NT5C3A: variants seen among roughly 807,000 people sequenced by gnomAD.
The protein encoded by NT5C3A is cytosolic 5'-nucleotidase 3A.
A neutral mutation model predicts 40.0 loss-of-function variants in NT5C3A; 23 were observed. That is an observed-to-expected ratio of 0.58 (90% CI 0.41 to 0.81). The LOEUF (loss-of-function observed/expected upper bound fraction) is 0.81, where lower values mean the gene tolerates loss of function less well. Ranked by LOEUF, NT5C3A falls within the 40% of genes least tolerant of loss-of-function variation. The pLI is 0.00. For missense variants in NT5C3A, 328 were observed against 403.0 expected (o/e 0.81, Z 1.59); for synonymous variants, 130 against 141.4 (o/e 0.92, Z 0.57).
At chr7:33,038,408 T>C (rs1317861173) in intron 1 of NT5C3A, among the ~76,000 whole-genome samples, 1 of 152,026 alleles carries the variant, frequency 6.6e-6, no homozygotes, top group Admixed American at 6.6e-5. Flanking sequence ...AAAAAGTCAG[T>C]ATAAGTTGGT....
intron 3 of NT5C3A, 49 bp from the exon 4 acceptor site, chr7:33,022,148 G>T: frequency 2.1e-6 from 2 of 949,142 alleles, no homozygotes; most frequent in Non-Finnish European, 3.4e-6. Context: ...TCTGATTTAT[G>T]CTACCACTAC....
chr7:33,057,111 C>A (rs1787601440), intron 1 of NT5C3A, among the ~76,000 whole-genome samples: 2 of 152,108 alleles, frequency 1.3e-5, no homozygotes, highest in South Asian at 2.1e-4. Flanking sequence ...CCGCACCCGG[C>A]CCTTTTTTGT....
intron 1 of NT5C3A, among the ~76,000 whole-genome samples, chr7:33,048,470 C>T (rs913012191): frequency 2.0e-5 from 3 of 152,048 alleles, no homozygotes; most frequent in Non-Finnish European, 4.4e-5. Context: ...TGAATGTGGA[C>T]CTCATAAGTT....
intron 4 of NT5C3A, 85 bp downstream of exon 4, chr7:33,021,964 TCTTA>T (rs1785649847): frequency 3.9e-6 from 3 of 778,812 alleles, no homozygotes; most frequent in East Asian, 2.5e-5. Flanking sequence ...TTACATCCAT[TCTTA>T]CTTCTGTGAA....
chr7:33,025,507 A>C (rs1406191540), intron 2 of NT5C3A, among the ~76,000 whole-genome samples: 1 of 152,198 alleles, frequency 6.6e-6, no homozygotes, highest in Non-Finnish European at 1.5e-5. Context: ...TTTAATTTAC[A>C]TGTAACACAT....
At chr7:33,035,722 G>A (rs1786561045) in intron 1 of NT5C3A, among the ~76,000 whole-genome samples, 2 of 152,202 alleles carry the variant, frequency 1.3e-5, no homozygotes, top group African/African-American at 4.8e-5. Context: ...TATATTCTGA[G>A]AAGCACGACA....
intron 1 of NT5C3A, among the ~76,000 whole-genome samples, chr7:33,060,250 G>A (rs977476140): frequency 6.6e-6 from 1 of 152,088 alleles, no homozygotes; most frequent in Non-Finnish European, 1.5e-5. Context: ...ACTGTACCCT[G>A]CCAAAGCAAA....
chr7:33,060,977 T>C (rs1231137003), intron 1 of NT5C3A, among the ~76,000 whole-genome samples: 1 of 152,272 alleles, frequency 6.6e-6, no homozygotes, highest in Non-Finnish European at 1.5e-5. Flanking sequence ...ATTTCTTTAG[T>C]ACCAATAAGT....
intron 5 of NT5C3A, among the ~76,000 whole-genome samples, chr7:33,021,041 G>C (rs1316404400): frequency 6.6e-6 from 1 of 152,002 alleles, no homozygotes; most frequent in Non-Finnish European, 1.5e-5. Flanking sequence ...TTAAATGCAG[G>C]ACTTTTAATT....
intron 1 of NT5C3A, among the ~76,000 whole-genome samples, chr7:33,055,633 T>C (rs963693732): frequency 1.3e-5 from 2 of 152,316 alleles, no homozygotes. Context: ...AACGACCATC[T>C]CACGACCATG....
intron 1 of NT5C3A, among the ~76,000 whole-genome samples, chr7:33,031,630 C>T (rs1447760364): frequency 1.3e-5 from 2 of 151,812 alleles, no homozygotes; most frequent in South Asian, 2.1e-4. Context: ...TTAAAAAACA[C>T]ACATAAATAC....
intron 2 of NT5C3A, among the ~76,000 whole-genome samples, chr7:33,025,312 C>T (rs1246487527): frequency 1.3e-5 from 2 of 152,158 alleles, no homozygotes; most frequent in Non-Finnish European, 2.9e-5. Context: ...CTATATGAAG[C>T]TCTTAGTTAC....
chr7:33,021,041 G>T (rs1316404400), intron 5 of NT5C3A, among the ~76,000 whole-genome samples: 13 of 152,002 alleles, frequency 8.6e-5, no homozygotes, highest in Admixed American at 8.5e-4. Context: ...TTAAATGCAG[G>T]ACTTTTAATT....
At chr7:33,039,570 T>TGTTTTG (rs1243400446) in intron 1 of NT5C3A, among the ~76,000 whole-genome samples, 1 of 145,648 alleles carries the variant, frequency 6.9e-6, no homozygotes, top group African/African-American at 2.5e-5. Flanking sequence ...TTGTTTTTTT[T>TGTTTTG]TTTTTTTAAT....
chr7:33,046,347 G>C (rs930516157), intron 1 of NT5C3A, among the ~76,000 whole-genome samples: 18 of 152,018 alleles, frequency 1.2e-4, no homozygotes, highest in Admixed American at 5.2e-4. Flanking sequence ...GACCAGCCTG[G>C]GCAACATACA....
At chr7:33,062,523 G>T in intron 1 of NT5C3A, 45 bp downstream of exon 1, 1 of 1,564,302 alleles carries the variant, frequency 6.4e-7, no homozygotes, top group Non-Finnish European at 8.8e-7. Flanking sequence ...GGACGGCCCA[G>T]CCGGCCCCTC....
At chr7:33,021,716 T>G (rs1785639557) in intron 4 of NT5C3A, 1 of 400,636 alleles carries the variant, frequency 2.5e-6, no homozygotes, top group African/African-American at 2.0e-5. Flanking sequence ...TGAAGCAACT[T>G]CCTCATCAAC....
intron 3 of NT5C3A, 177 bp downstream of exon 3, chr7:33,023,862 C>A: frequency 5.1e-6 from 3 of 591,822 alleles, no homozygotes; most frequent in East Asian, 2.8e-5. Flanking sequence ...ATGAAAATAA[C>A]CATTTATATA....
chr7:33,015,884 A>G lies in NT5C3A; in HGVS notation c.694-14T>C. On this transcript the variant is annotated splice_polypyrimidine_tract_variant and intron_variant, in intron 7 of 8. Transcript: ENST00000610140. ...TTTGAGCACCCCCTATGAAAAATAT[A>G]AATCTTTTGAACAGGCTTTAAAAAT... 6.5e-7 allele frequency: 1 copy of G among 1,549,416 alleles called. No individual in the cohort carries two copies. Among genetic ancestry groups the G allele is most frequent in the Non-Finnish European group, 8.9e-7 (1 of 1,121,322 alleles).
Sources: gnomAD v4.1 joint callset for allele counts (sites outside exome capture counted in the v4.1 genomes callset) on GRCh38, gnomAD v4.1.1 for gene constraint, MANE v1.5 for transcripts, NCBI Gene and HGNC (gene_info 2026-07-23, HGNC 2026-07-21) for gene names.